Variants in RIMS1 observed in about 807,000 individuals in gnomAD.
RIMS1 encodes regulating synaptic membrane exocytosis protein 1.
A neutral mutation model predicts 214.1 loss-of-function variants in RIMS1; 83 were observed. The observed-to-expected ratio is 0.39, with a 90% confidence interval of 0.32 to 0.47. RIMS1 has a LOEUF of 0.47. Ranked by LOEUF, RIMS1 falls within the 20% of genes least tolerant of loss-of-function variation. The pLI, the probability that RIMS1 is intolerant of heterozygous loss-of-function variation, is 0.99. For missense variants in RIMS1, 2,050 were observed against 2,161.8 expected, an observed-to-expected ratio of 0.95 and a Z score of 1.03; for synonymous variants, 793 against 786.8, an observed-to-expected ratio of 1.01 and a Z score of -0.13.
intron 1 of RIMS1, among the ~76,000 whole-genome samples, chr6:71,888,526 CGAA>C (rs1177967566): frequency 1.3e-5 from 2 of 152,136 alleles, no homozygotes; most frequent in East Asian, 1.9e-4. Context: ...AAGATGCTGC[CGAA>C]GAAGATTTCT....
At chr6:72,331,519 A>G (rs2096657941) in intron 28 of RIMS1, among the ~76,000 whole-genome samples, 1 of 151,878 alleles carries the variant, frequency 6.6e-6, no homozygotes, top group African/African-American at 2.4e-5. Flanking sequence ...ATTCTCCAGC[A>G]GAATTCTGCA....
At chr6:72,251,445 T>C in intron 15 of RIMS1, 77 bp downstream of exon 15, 4 of 1,169,362 alleles carry the variant, frequency 3.4e-6, no homozygotes, top group South Asian at 1.9e-5. Context: ...ATTCAAGATG[T>C]TTTTTTTAAA....
intron 5 of RIMS1, among the ~76,000 whole-genome samples, chr6:72,181,413 A>T (rs1366333171): frequency 2.0e-5 from 3 of 152,230 alleles, no homozygotes; most frequent in African/African-American, 7.2e-5. Flanking sequence ...AAGAGACAAA[A>T]ATACTGAAGC....
chr6:71,995,451 CGTGTGTGT>C (rs59174738), intron 2 of RIMS1, among the ~76,000 whole-genome samples: 39 of 144,498 alleles, frequency 2.7e-4, no homozygotes, highest in African/African-American at 8.7e-4. Flanking sequence ...TGTAATATGA[CGTGTGTGT>C]GTGTGTGTGT....
intron 2 of RIMS1, among the ~76,000 whole-genome samples, chr6:72,082,115 A>G (rs772698401): frequency 6.6e-6 from 1 of 152,174 alleles, no homozygotes; most frequent in Non-Finnish European, 1.5e-5. Flanking sequence ...TAAATTTTTT[A>G]TTACTCAGCT....
At chr6:72,170,576 C>G (rs2046894069) in intron 4 of RIMS1, among the ~76,000 whole-genome samples, 1 of 152,104 alleles carries the variant, frequency 6.6e-6, no homozygotes, top group Non-Finnish European at 1.5e-5. Context: ...AACTCCTGAC[C>G]TTGTGATCCA....
intron 4 of RIMS1, among the ~76,000 whole-genome samples, chr6:72,127,306 GT>G (rs370106451): frequency 4.9e-4 from 72 of 148,370 alleles, no homozygotes; most frequent in African/African-American, 1.6e-3. Flanking sequence ...ATGCTGTGAT[GT>G]TTTTTTTTTC....
chr6:72,248,867 A>G (rs2071594852), intron 12 of RIMS1, among the ~76,000 whole-genome samples: 2 of 152,118 alleles, frequency 1.3e-5, no homozygotes, highest in African/African-American at 4.8e-5. Flanking sequence ...AAGGGCTTTT[A>G]TGGTTTTAAC....
At chr6:71,960,012 C>T (rs1369296092) in intron 1 of RIMS1, among the ~76,000 whole-genome samples, 1 of 152,136 alleles carries the variant, frequency 6.6e-6, no homozygotes, top group Non-Finnish European at 1.5e-5. Context: ...GAAATCTTAG[C>T]TGGTATTATT....
intron 2 of RIMS1, among the ~76,000 whole-genome samples, chr6:72,044,259 T>G (rs1008539006): frequency 1.3e-5 from 2 of 151,730 alleles, no homozygotes; most frequent in Non-Finnish European, 3.0e-5. Flanking sequence ...TAAACCTAAG[T>G]ATCAGAGCTA....
intron 28 of RIMS1, chr6:72,316,476 C>G: frequency 2.9e-6 from 1 of 341,578 alleles, no homozygotes; most frequent in Non-Finnish European, 5.8e-6. Context: ...GGATGCTCAG[C>G]AAGGCTGCTA....
chr6:71,931,558 TCTGTTCGTGTCCTTTGCCCA>T (rs1207163221), intron 1 of RIMS1, among the ~76,000 whole-genome samples: 1 of 152,042 alleles, frequency 6.6e-6, no homozygotes, highest in East Asian at 1.9e-4. Context: ...TTGAAAAGTG[TCTGTTCGTGTCCTTTGCCCA>T]CTTTTTAATA....
chr6:72,029,448 G>A (rs1050758804), intron 2 of RIMS1, among the ~76,000 whole-genome samples: 3 of 152,210 alleles, frequency 2.0e-5, no homozygotes, highest in Admixed American at 6.6e-5. Flanking sequence ...CATTACAAAC[G>A]AGGCTGAATG....
Position 72,260,555 on chromosome 6 carries a change from T to A in RIMS1, c.3054-150T>A, listed in dbSNP as rs546906311. On this transcript the variant is annotated intron_variant, in intron 18 of 33. Transcript: ENST00000521978. Reference sequence around the variant, plus strand: ...TATTGTTTAAATTTTTTAAATGCTTTTATGTTTATTTTTGTTTAACCTCTC... The same window carrying A: ...TATTGTTTAAATTTTTTAAATGCTTATATGTTTATTTTTGTTTAACCTCTC... 1.7e-5 allele frequency: 18 copies of A among 1,030,824 alleles called. No homozygotes were observed. In the African/African-American group the frequency reaches 2.9e-4, roughly 16 times the overall value. 63.9% of individuals were successfully genotyped at this position (1,030,824 alleles called of 1,614,324 possible).
At chr6:72,180,700 G>A (rs1230450317) in intron 5 of RIMS1, among the ~76,000 whole-genome samples, 1 of 152,216 alleles carries the variant, frequency 6.6e-6, no homozygotes, top group Non-Finnish European at 1.5e-5. Context: ...ATCTTCATGA[G>A]GCTCATGATT....
intron 23 of RIMS1, among the ~76,000 whole-genome samples, chr6:72,281,204 C>T (rs1210495752): frequency 6.6e-6 from 1 of 152,030 alleles, no homozygotes; most frequent in Admixed American, 6.6e-5. Flanking sequence ...TGTTCTCTAA[C>T]TCTCAATTTT....
intron 2 of RIMS1, among the ~76,000 whole-genome samples, chr6:72,070,952 C>T (rs541530014): frequency 5.3e-5 from 8 of 152,026 alleles, no homozygotes; most frequent in Admixed American, 3.9e-4. Context: ...TGAAGGAAAT[C>T]GAAAGAATAA....
intron 2 of RIMS1, among the ~76,000 whole-genome samples, chr6:71,973,785 A>G (rs1045430246): frequency 1.3e-5 from 2 of 152,214 alleles, no homozygotes; most frequent in Non-Finnish European, 2.9e-5. Context: ...TCCAAGGGCC[A>G]ATAGGAAGCT....
rs138348889 is a variant in RIMS1 at position 71,953,554 on chromosome 6, G to A, written c.165-15429G>A. ...AGAAGTAGATCCATTGATGTAAATTGTTTTTGAAAGCATGTTAACATTCTG... is the reference window on the plus strand; with the variant it reads ...AGAAGTAGATCCATTGATGTAAATTATTTTTGAAAGCATGTTAACATTCTG... On this transcript the variant is annotated intron_variant, in intron 1 of 33. Transcript: ENST00000521978. Among the ~76,000 whole-genome samples the A allele has an allele frequency of 1.8e-3, 277 of 152,254 alleles. 2 individuals carry two copies. The highest frequency in any genetic ancestry group is 6.5e-3 in the African/African-American group (269 of 41,560).
Sources: gnomAD v4.1 joint callset for allele counts (sites outside exome capture counted in the v4.1 genomes callset) on GRCh38, gnomAD v4.1.1 for gene constraint, MANE v1.5 for transcripts, NCBI Gene and HGNC (gene_info 2026-07-23, HGNC 2026-07-21) for gene names.